The following NEGR1 variants were observed in gnomAD, a reference collection of about 807,000 sequenced individuals.
NEGR1 encodes the protein IgLON family member 4.
NEGR1 carries 10 observed loss-of-function variants against 40.9 expected under a neutral mutation model. The observed-to-expected ratio is 0.24, with a 90% CI of 0.15 to 0.42. The LOEUF (loss-of-function observed/expected upper bound fraction) is 0.42. Among genes scored for constraint, NEGR1 ranks in the 10% least tolerant of loss-of-function variants. The pLI, the probability that NEGR1 is intolerant of heterozygous loss-of-function variation, is 1.00. For missense variants in NEGR1, 352 were observed against 438.9 expected (o/e 0.80, Z 1.77); for synonymous variants, 185 against 166.8 (o/e 1.11, Z -0.84).
At chr1:71,547,984 C>T (rs1229355929) in intron 6 of NEGR1, among the ~76,000 whole-genome samples, 2 of 151,676 alleles carry the variant, frequency 1.3e-5, no homozygotes, top group African/African-American at 4.8e-5. Context: ...ATGAAAAAGT[C>T]CACCTAGTGG....
chr1:71,894,623 A>C (rs1660913723), intron 2 of NEGR1, among the ~76,000 whole-genome samples: 1 of 152,236 alleles, frequency 6.6e-6, no homozygotes, highest in Non-Finnish European at 1.5e-5. Context: ...GCTACCAATT[A>C]CCAAAGTTAG....
chr1:72,156,151 A>G (rs910500774), intron 1 of NEGR1, among the ~76,000 whole-genome samples: 4 of 152,204 alleles, frequency 2.6e-5, no homozygotes, highest in South Asian at 2.1e-4. Flanking sequence ...GCATAGGAGT[A>G]AAATATTTTA....
chr1:71,907,677 T>C (rs1477567775), intron 2 of NEGR1, among the ~76,000 whole-genome samples: 2 of 152,288 alleles, frequency 1.3e-5, no homozygotes, highest in East Asian at 1.9e-4. Context: ...AATAAATTGT[T>C]GTACCAAAAA....
chr1:72,220,077 T>A (rs1653959152), intron 1 of NEGR1, among the ~76,000 whole-genome samples: 1 of 152,062 alleles, frequency 6.6e-6, no homozygotes. Context: ...TAATAGTCAC[T>A]TTAACTGCCT....
At chr1:71,466,444 T>C (rs1486440998) in intron 6 of NEGR1, among the ~76,000 whole-genome samples, 2 of 152,040 alleles carry the variant, frequency 1.3e-5, no homozygotes, top group Admixed American at 6.6e-5. Flanking sequence ...TGGGAGCAGA[T>C]AGTTTATAAA....
At chr1:72,036,341 G>T (rs1190386921) in intron 1 of NEGR1, among the ~76,000 whole-genome samples, 1 of 151,962 alleles carries the variant, frequency 6.6e-6, no homozygotes, top group Non-Finnish European at 1.5e-5. Context: ...GAAAAAATGT[G>T]CACACTACAA....
At chr1:71,726,455 C>T (rs867336412) in intron 3 of NEGR1, among the ~76,000 whole-genome samples, 13 of 152,198 alleles carry the variant, frequency 8.5e-5, no homozygotes, top group Middle Eastern at 6.8e-3. Context: ...GTTTTAAGTA[C>T]TGAAGATTCC....
intron 5 of NEGR1, among the ~76,000 whole-genome samples, chr1:71,593,267 T>A (rs1315857221): frequency 1.3e-5 from 2 of 152,164 alleles, no homozygotes; most frequent in African/African-American, 4.8e-5. Flanking sequence ...AAACATACCA[T>A]ACCAATAATA....
chr1:71,755,135 C>T (rs991418786), intron 3 of NEGR1, among the ~76,000 whole-genome samples: 1 of 152,222 alleles, frequency 6.6e-6, no homozygotes, highest in Admixed American at 6.5e-5. Context: ...CTCCTCTCCT[C>T]TATTCTACCC....
intron 6 of NEGR1, among the ~76,000 whole-genome samples, chr1:71,532,524 A>G (rs1485806326): frequency 6.6e-6 from 1 of 151,622 alleles, no homozygotes; most frequent in Non-Finnish European, 1.5e-5. Flanking sequence ...CATAGTAAAT[A>G]GTTTTTTAAT....
intron 2 of NEGR1, among the ~76,000 whole-genome samples, chr1:71,907,665 A>G (rs1375207363): frequency 1.3e-5 from 2 of 152,168 alleles, no homozygotes; most frequent in East Asian, 3.9e-4. Context: ...TATCTCAAAG[A>G]AAATAAATTG....
At chr1:72,049,663 C>T (rs1647039285) in intron 1 of NEGR1, among the ~76,000 whole-genome samples, 1 of 151,550 alleles carries the variant, frequency 6.6e-6, no homozygotes. Context: ...CGCATATAAC[C>T]TTAAGCCAGG....
At chr1:72,198,739 G>A (rs1378285554) in intron 1 of NEGR1, among the ~76,000 whole-genome samples, 1 of 151,862 alleles carries the variant, frequency 6.6e-6, no homozygotes, top group Non-Finnish European at 1.5e-5. Flanking sequence ...TGGAGAAATT[G>A]CGGGTCAGCA....
chr1:71,675,570 G>A (rs146812037), intron 4 of NEGR1, among the ~76,000 whole-genome samples: 4 of 151,866 alleles, frequency 2.6e-5, no homozygotes, highest in Non-Finnish European at 5.9e-5. Flanking sequence ...GAGAGACAGA[G>A]AGATAAAGAG....
chr1:72,045,143 ATC>A (rs1219831532), intron 1 of NEGR1, among the ~76,000 whole-genome samples: 1 of 151,814 alleles, frequency 6.6e-6, no homozygotes, highest in Admixed American at 6.6e-5. Context: ...CAAGATTAAA[ATC>A]TCTGATTCTT....
At chr1:72,108,328 T>G (rs958244975) in intron 1 of NEGR1, among the ~76,000 whole-genome samples, 1 of 151,730 alleles carries the variant, frequency 6.6e-6, no homozygotes, top group South Asian at 2.1e-4. Context: ...AGAGTCATCT[T>G]CCATAAGACA....
chr1:71,931,977 T>C (rs1645859426), intron 2 of NEGR1, among the ~76,000 whole-genome samples: 1 of 152,154 alleles, frequency 6.6e-6, no homozygotes, highest in African/African-American at 2.4e-5. Context: ...AACCATGTTA[T>C]ATATAGGTAA....
intron 4 of NEGR1, among the ~76,000 whole-genome samples, chr1:71,627,400 A>G (rs1365466280): frequency 6.6e-6 from 1 of 152,080 alleles, no homozygotes; most frequent in Non-Finnish European, 1.5e-5. Flanking sequence ...TCGGAGTTCT[A>G]GAAAAAATTC....
intron 6 of NEGR1, among the ~76,000 whole-genome samples, chr1:71,571,945 T>C (rs1393513180): frequency 6.6e-6 from 1 of 152,138 alleles, no homozygotes; most frequent in Non-Finnish European, 1.5e-5. Flanking sequence ...TTTCACACAA[T>C]ATCAAGTATA....
Sources: allele counts gnomAD v4.1 joint callset (sites outside exome capture counted in the v4.1 genomes callset), GRCh38; gene constraint gnomAD v4.1.1; transcripts MANE v1.5; gene names NCBI Gene and HGNC (gene_info 2026-07-23, HGNC 2026-07-21).